Variants in MSTO1 observed in about 807,000 individuals in gnomAD.
The protein encoded by MSTO1 is misato mitochondrial distribution and morphology regulator 1.
In MSTO1, 24 loss-of-function variants were observed where a neutral mutation model predicts 55.7. The observed-to-expected ratio is 0.43, with a 90% CI of 0.31 to 0.61. MSTO1 has a LOEUF of 0.61. MSTO1 is among the 20% of genes least tolerant of loss of function. The pLI is 0.09. For missense variants in MSTO1, 363 were observed against 625.7 expected (o/e 0.58, Z 4.48); for synonymous variants, 162 against 252.8 (o/e 0.64, Z 3.41).
the MSTO1 span, among the ~76,000 whole-genome samples, chr1:155,576,574 C>T: frequency 6.7e-6 from 1 of 149,934 alleles, no homozygotes; most frequent in East Asian, 2.0e-4. Flanking sequence ...ATCCGCCCAC[C>T]TCAGCCTCCC....
At chr1:155,584,691 A>AAAAAAAAAG in the MSTO1 span, among the ~76,000 whole-genome samples, 518 of 75,648 alleles carry the variant, frequency 6.8e-3, 4 homozygotes, top group East Asian at 0.014. Context: ...AAAAAAAAAA[A>AAAAAAAAAG]AAAGAAAGAA....
chr1:155,579,695 A>G, the MSTO1 span, among the ~76,000 whole-genome samples: 1 of 152,228 alleles, frequency 6.6e-6, no homozygotes, highest in Non-Finnish European at 1.5e-5. Flanking sequence ...TGCTTATTAT[A>G]GAGCCTATTT....
the MSTO1 span, among the ~76,000 whole-genome samples, chr1:155,578,521 T>C: frequency 7.1e-6 from 1 of 141,096 alleles, no homozygotes; most frequent in Admixed American, 7.1e-5. Flanking sequence ...TTTTTTTTTT[T>C]TTTTTTTGAG....
rs771669599 is a variant in MSTO1, at chr1:155,611,438, G to A, written c.367-111G>A. 38 of 1,607,140 alleles carry A rather than the reference G, an allele frequency of 2.4e-5. 1 individual carries two copies. Among genetic ancestry groups the A allele is most frequent in the South Asian group, 3.3e-5 (3 of 90,010 alleles). On this transcript the variant is annotated intron_variant, in intron 4 of 13. Transcript: ENST00000245564. ...CTCCTTTTCCTAAGGACTGCGACTC[G>A]GTGAACAGAAAGGAGGCTATGCGGT...
chr1:155,601,794 A>G, the MSTO1 span, among the ~76,000 whole-genome samples: 17 of 151,696 alleles, frequency 1.1e-4, no homozygotes, highest in African/African-American at 3.1e-4. Flanking sequence ...TCACTCTGTC[A>G]CCCAGGCTGG....
At chr1:155,593,380 G>A in the MSTO1 span, among the ~76,000 whole-genome samples, 2 of 152,300 alleles carry the variant, frequency 1.3e-5, no homozygotes, top group East Asian at 3.9e-4. Context: ...ATGTAGCCAA[G>A]AAGACAAACA....
At chr1:155,572,726 C>G in the MSTO1 span, among the ~76,000 whole-genome samples, 1 of 152,004 alleles carries the variant, frequency 6.6e-6, no homozygotes, top group Non-Finnish European at 1.5e-5. Context: ...TCTCGGTTTG[C>G]TGCAACCTCC....
At chr1:155,577,734 T>C in the MSTO1 span, among the ~76,000 whole-genome samples, 7 of 152,168 alleles carry the variant, frequency 4.6e-5, no homozygotes, top group Non-Finnish European at 8.8e-5. Flanking sequence ...CATATGAATT[T>C]TGAGATCAGC....
chr1:155,603,075 T>A, the MSTO1 span, among the ~76,000 whole-genome samples: 1 of 151,958 alleles, frequency 6.6e-6, no homozygotes, highest in East Asian at 1.9e-4. Flanking sequence ...TTAGAAAGCA[T>A]TCACTTTGGT....
At chr1:155,581,918 C>T in the MSTO1 span, among the ~76,000 whole-genome samples, 4 of 150,322 alleles carry the variant, frequency 2.7e-5, no homozygotes, top group East Asian at 2.0e-4. Context: ...CTCAGCCTTC[C>T]GAGTAGCTGG....
At chr1:155,578,071 G>T in the MSTO1 span, among the ~76,000 whole-genome samples, 1 of 152,048 alleles carries the variant, frequency 6.6e-6, no homozygotes, top group African/African-American at 2.4e-5. Flanking sequence ...CAAAAAGATT[G>T]CTGGGATTTT....
the MSTO1 span, among the ~76,000 whole-genome samples, chr1:155,574,563 G>GGTTT: frequency 3.9e-5 from 6 of 152,004 alleles, no homozygotes; most frequent in Non-Finnish European, 7.4e-5. Context: ...AGTTTACATT[G>GGTTT]GTTTGTTTGT....
chr1:155,606,930 G>T (rs1480136961), upstream of MSTO1, among the ~76,000 whole-genome samples: 3 of 152,032 alleles, frequency 2.0e-5, no homozygotes, highest in African/African-American at 4.8e-5. Flanking sequence ...TGCCTGTCGG[G>T]TTCAAGCAAT....
chr1:155,608,188 CA>C (rs1448968747), upstream of MSTO1, among the ~76,000 whole-genome samples: 1 of 152,202 alleles, frequency 6.6e-6, no homozygotes, highest in Non-Finnish European at 1.5e-5. Flanking sequence ...AATTTTGAGA[CA>C]GGGTCTCCCT....
At chr1:155,591,425 G>A in the MSTO1 span, among the ~76,000 whole-genome samples, 2 of 152,238 alleles carry the variant, frequency 1.3e-5, no homozygotes, top group African/African-American at 4.8e-5. Flanking sequence ...CAATAGTACA[G>A]ATGGTTGTTT....
chr1:155,576,871 C>A, the MSTO1 span, among the ~76,000 whole-genome samples: 2 of 148,020 alleles, frequency 1.4e-5, no homozygotes, highest in South Asian at 4.4e-4. Context: ...AAAAATTAGC[C>A]GGGCGTGGTG....
At chr1:155,564,247 G>A in the MSTO1 span, among the ~76,000 whole-genome samples, 117 of 152,268 alleles carry the variant, frequency 7.7e-4, no homozygotes, top group African/African-American at 2.7e-3. Flanking sequence ...TAATCCCAGC[G>A]CTTTGGGAGG....
At chr1:155,593,192 G>C in the MSTO1 span, among the ~76,000 whole-genome samples, 1 of 152,300 alleles carries the variant, frequency 6.6e-6, no homozygotes, top group Admixed American at 6.5e-5. Context: ...GGGATTACAG[G>C]CGTGAGCCAC....
the MSTO1 span, among the ~76,000 whole-genome samples, chr1:155,582,499 C>T: frequency 2.0e-5 from 3 of 151,490 alleles, no homozygotes; most frequent in Admixed American, 1.3e-4. Context: ...CTCATTCTGT[C>T]GCCAGGCTGG....
Sources: gnomAD v4.1 joint callset for allele counts (sites outside exome capture counted in the v4.1 genomes callset) on GRCh38, gnomAD v4.1.1 for gene constraint, MANE v1.5 for transcripts, NCBI Gene and HGNC (gene_info 2026-07-23, HGNC 2026-07-21) for gene names.